The following MKNK1 variants were observed in gnomAD, a reference collection of about 807,000 sequenced individuals.
MKNK1 encodes the protein MAP kinase-interacting serine/threonine-protein kinase 1.
A neutral mutation model predicts 49.3 loss-of-function variants in MKNK1; 30 were observed. The observed-to-expected ratio is 0.61, with a 90% CI of 0.46 to 0.83. MKNK1 has a LOEUF of 0.83. Among genes scored for constraint, MKNK1 ranks in the 40% least tolerant of loss-of-function variants. The pLI is 0.00. For missense variants in MKNK1, 423 were observed against 524.7 expected (o/e 0.81, Z 1.89); for synonymous variants, 176 against 201.7 (o/e 0.87, Z 1.08).
At position 46,558,580 on chromosome 1, in the gene MKNK1, G is replaced by A; in HGVS notation, c.1234C>T (p.Leu412Phe). The A allele has an allele frequency of 1.2e-6, 2 of 1,606,838 alleles. No individual in the cohort carries two copies. The highest frequency in any genetic ancestry group is 2.2e-5 in the South Asian group (2 of 89,862). Residue 412 changes from leucine to phenylalanine, a missense_variant, in exon 13 of 13, where the codon CTC (leucine) becomes TTC (phenylalanine). Coordinates refer to ENST00000371945, the MANE Select transcript of MKNK1 (RefSeq NM_001135553.4). ...RGEDRSPPTA[L>F] ...TAAGGTGTGACTGGAGCATTTCAGAGTGCTGTGGGCGGGCTCCTGTCTTCA... is the reference window on the plus strand; with the variant it reads ...TAAGGTGTGACTGGAGCATTTCAGAATGCTGTGGGCGGGCTCCTGTCTTCA...
intron 4 of MKNK1, among the ~76,000 whole-genome samples, chr1:46,579,937 T>G (rs1671502527): frequency 6.6e-6 from 1 of 152,212 alleles, no homozygotes; most frequent in Non-Finnish European, 1.5e-5. Context: ...TCAGTCACCT[T>G]AGTTTTTAAT....
intron 1 of MKNK1, chr1:46,594,872 A>C (rs1395169496): frequency 2.4e-6 from 1 of 417,422 alleles, no homozygotes; most frequent in Admixed American, 2.7e-5. Flanking sequence ...ACACACCTGT[A>C]GCTGCTTGGG....
chr1:46,587,617 A>G (rs1297069207), intron 2 of MKNK1, among the ~76,000 whole-genome samples: 3 of 152,148 alleles, frequency 2.0e-5, no homozygotes, highest in Non-Finnish European at 2.9e-5. Flanking sequence ...TGGGAGTTTG[A>G]GACCAGCCTG....
At chr1:46,593,117 G>A (rs777550462) in intron 2 of MKNK1, among the ~76,000 whole-genome samples, 2 of 152,084 alleles carry the variant, frequency 1.3e-5, no homozygotes, top group Middle Eastern at 3.2e-3. Flanking sequence ...AAAACCTCTG[G>A]TGACAGTGTA....
At chr1:46,561,333 C>T in intron 11 of MKNK1, 145 bp downstream of exon 11, 2 of 894,546 alleles carry the variant, frequency 2.2e-6, no homozygotes, top group Non-Finnish European at 3.2e-6. Flanking sequence ...AGTCGATTCA[C>T]TCTACACACT....
chr1:46,580,659 G>C lies in MKNK1; in HGVS notation c.101-32C>G, dbSNP rs779261346. On this transcript the variant is annotated intron_variant, in intron 3 of 12. Transcript: ENST00000371945. ...GTGAAATGGATGAGAGGAATAACAA[G>C]ATGAGTCACCCTACTGCAAGCTCAG... 18 of 1,482,496 alleles carry C rather than the reference G, an allele frequency of 1.2e-5. No homozygotes were observed. In the East Asian group the frequency reaches 4.1e-4, roughly 34 times the overall value. 91.8% of individuals were successfully genotyped at this position (1,482,496 alleles called of 1,614,324 possible).
At chr1:46,588,741 G>T (rs1407551225) in intron 2 of MKNK1, among the ~76,000 whole-genome samples, 3 of 150,766 alleles carry the variant, frequency 2.0e-5, no homozygotes, top group African/African-American at 7.4e-5. Context: ...CCGGGGGGCG[G>T]AGCCTGCAGT....
At position 46,594,211 on chromosome 1, in the gene MKNK1, C is replaced by CTTCGTGTAGCT; in HGVS notation, c.-102_-101insAGCTACACGAA. 7.6e-7 allele frequency: 1 copy of CTTCGTGTAGCT among 1,318,994 alleles called. No homozygotes were observed. The highest frequency in any genetic ancestry group is 1.1e-6 in the Non-Finnish European group (1 of 912,170). The allele number at this position is 1,318,994 out of a possible 1,614,324, so 81.7% of individuals were successfully genotyped here. A position where few individuals can be genotyped will look rare whatever the true frequency, so the allele number is the denominator to read the frequency against. ...AGGAAGTTGGTGTCTTCCAGCTACACGAAGTGTCTCAATGGCCTTTGTGCG... is the reference window on the plus strand; with the variant it reads ...AGGAAGTTGGTGTCTTCCAGCTACACTTCGTGTAGCTGAAGTGTCTCAATGGCCTTTGTGCG... On this transcript the variant is annotated 5_prime_UTR_variant, in exon 2 of 13. It removes the in-frame stop codon of an upstream open reading frame in the 5' UTR. Transcript: ENST00000371945.
intron 12 of MKNK1, 22 bp downstream of exon 12, chr1:46,560,212 T>C (rs200097375): frequency 6.2e-7 from 1 of 1,613,368 alleles, no homozygotes; most frequent in East Asian, 2.2e-5. Context: ...GAGCATGGCG[T>C]GGGGGTGGTC....
chr1:46,580,713 C>A (rs1671604477), intron 3 of MKNK1, 86 bp from the exon 4 acceptor site: 1 of 892,226 alleles, frequency 1.1e-6, no homozygotes, highest in Non-Finnish European at 1.9e-6. Flanking sequence ...GCTCAGCTTC[C>A]CTGATCAGAC....
At chr1:46,573,045 T>C (rs1670433157) in intron 6 of MKNK1, among the ~76,000 whole-genome samples, 1 of 152,224 alleles carries the variant, frequency 6.6e-6, no homozygotes, top group Admixed American at 6.5e-5. Context: ...ACTCTTGAAA[T>C]AAACTGTCTT....
intron 9 of MKNK1, 84 bp downstream of exon 9, chr1:46,564,957 T>G (rs532844918): frequency 1.0e-4 from 135 of 1,345,418 alleles, no homozygotes; most frequent in Middle Eastern, 1.9e-4. Flanking sequence ...TGGTTTTCCA[T>G]CCTTAACCCT....
chr1:46,579,559 A>G (rs1467950665), intron 4 of MKNK1, among the ~76,000 whole-genome samples: 1 of 152,218 alleles, frequency 6.6e-6, no homozygotes, highest in Non-Finnish European at 1.5e-5. Flanking sequence ...AGGATTAGTG[A>G]GTGTCAGAGT....
At chr1:46,581,152 T>G (rs1376900363) in intron 3 of MKNK1, among the ~76,000 whole-genome samples, 1 of 151,690 alleles carries the variant, frequency 6.6e-6, no homozygotes, top group Non-Finnish European at 1.5e-5. Flanking sequence ...AACCAGGCAT[T>G]GGTAAATACT....
At position 46,583,414 on chromosome 1, in the gene MKNK1, G is replaced by A. The variant is rs574239257; in HGVS notation, c.-2-85C>T. On this transcript the variant is annotated intron_variant, in intron 2 of 12. Transcript: ENST00000371945. ...CCCAGAAGGAAAAAAAAAAGGTAGT[G>A]GGGGAGGACCCAGGAGGTTTACACT... 140 of 1,014,584 alleles carry A rather than the reference G, an allele frequency of 1.4e-4. 3 individuals carry two copies. In the Middle Eastern group the frequency reaches 2.4e-3, roughly 17 times the overall value. The allele number at this position is 1,014,584 out of a possible 1,614,324, so 62.8% of individuals were successfully genotyped here.
At chr1:46,584,536 G>C (rs768578928) in intron 2 of MKNK1, 1 of 151,226 alleles carries the variant, frequency 6.6e-6, no homozygotes, top group Middle Eastern at 3.4e-3. Flanking sequence ...TTTTAAAATG[G>C]AAGCTGGTTC....
chr1:46,588,196 T>C (rs1672849964), intron 2 of MKNK1, among the ~76,000 whole-genome samples: 1 of 152,148 alleles, frequency 6.6e-6, no homozygotes, highest in Admixed American at 6.5e-5. Context: ...TCCATAAGAG[T>C]TTTCTCTATG....
At chr1:46,601,940 T>C (rs886776080) in intron 1 of MKNK1, among the ~76,000 whole-genome samples, 3 of 152,192 alleles carry the variant, frequency 2.0e-5, no homozygotes, top group Non-Finnish European at 4.4e-5. Flanking sequence ...GGTCAGCCTT[T>C]GCTACAGAAG....
At chr1:46,585,907 G>C (rs1050819481) in intron 2 of MKNK1, 6 of 1,364,766 alleles carry the variant, frequency 4.4e-6, no homozygotes, top group Non-Finnish European at 5.9e-6. Flanking sequence ...AATGAAAGAG[G>C]GTACGCCAGA....
Sources: gnomAD v4.1 joint callset for allele counts (sites outside exome capture counted in the v4.1 genomes callset) on GRCh38, gnomAD v4.1.1 for gene constraint, MANE v1.5 for transcripts, NCBI Gene and HGNC (gene_info 2026-07-23, HGNC 2026-07-21) for gene names.